The following ACBD6 variants were observed in gnomAD, a reference collection of about 807,000 sequenced individuals.
ACBD6 encodes the protein acyl-CoA binding domain containing 6, also known as acyl-CoA-binding domain-containing protein 6.
In ACBD6, 28 loss-of-function variants were observed where a neutral mutation model predicts 37.2. The ratio of observed to expected loss-of-function variants is 0.75; its 90% CI spans 0.56 to 1.03. The LOEUF (loss-of-function observed/expected upper bound fraction) is 1.03, where lower values mean the gene tolerates loss of function less well. Among genes scored for constraint, ACBD6 ranks in the 50% least tolerant of loss-of-function variants. The probability of loss-of-function intolerance (pLI) is 0.00; values close to 1 mark genes in which losing one functional copy is unlikely to be tolerated. For missense variants in ACBD6, 340 were observed against 337.4 expected (o/e 1.01, Z -0.06); for synonymous variants, 113 against 126.8 (o/e 0.89, Z 0.73).
intron 3 of ACBD6, among the ~76,000 whole-genome samples, chr1:180,453,593 G>A (rs552027123): frequency 1.3e-5 from 2 of 152,298 alleles, no homozygotes; most frequent in South Asian, 4.1e-4. Context: ...AATAGGAAGA[G>A]AGGAAGTCAA....
intron 6 of ACBD6, among the ~76,000 whole-genome samples, chr1:180,339,947 G>A (rs1651913728): frequency 6.6e-6 from 1 of 152,024 alleles, no homozygotes; most frequent in Non-Finnish European, 1.5e-5. Flanking sequence ...AGACAACTAG[G>A]GGAGAAAAAC....
chr1:180,390,695 G>C (rs1179973124), intron 6 of ACBD6, among the ~76,000 whole-genome samples: 1 of 152,116 alleles, frequency 6.6e-6, no homozygotes, highest in Non-Finnish European at 1.5e-5. Flanking sequence ...GTGGTTTGTA[G>C]TTCTACTTGA....
intron 7 of ACBD6, among the ~76,000 whole-genome samples, chr1:180,309,789 C>T (rs1057367735): frequency 2.0e-5 from 3 of 152,130 alleles, no homozygotes; most frequent in Non-Finnish European, 2.9e-5. Flanking sequence ...TTTGACTCTC[C>T]GGTTATTTGA....
At chr1:180,279,166 G>T (rs543747936) in intron 9 of ACBD6, among the ~76,000 whole-genome samples, 13 of 152,268 alleles carry the variant, frequency 8.5e-5, no homozygotes, top group African/African-American at 3.1e-4. Context: ...CTCAATAAAG[G>T]ACTGATTAGA....
At chr1:180,374,258 T>C (rs1653356593) in intron 6 of ACBD6, among the ~76,000 whole-genome samples, 1 of 152,166 alleles carries the variant, frequency 6.6e-6, no homozygotes. Flanking sequence ...CACATGCCCC[T>C]CTCCCCCCTT....
rs775623569 is a variant in ACBD6, at chr1:180,502,261, A to G, written c.6T>C (p.Ala2=). 1.9e-6 allele frequency: 3 copies of G among 1,612,978 alleles called. No homozygotes were observed. The Admixed American group carries it at 5.0e-5, about 27-fold the overall frequency. The change falls in exon 1 of 8, where the codon GCT becomes GCC. Residue 2 remains alanine (A), a synonymous_variant. Coordinates refer to ENST00000367595, the MANE Select transcript of ACBD6 (RefSeq NM_032360.4). ...TGGCCCCCGCGGGCAGGAATGATGA[A>G]GCCATGTCTCCTTGCTCGCTCCGTC... M[A]SSFLPAGAIT...
At chr1:180,296,908 C>T (rs1649940671) in intron 7 of ACBD6, among the ~76,000 whole-genome samples, 5 of 152,134 alleles carry the variant, frequency 3.3e-5, no homozygotes, top group Admixed American at 3.3e-4. Flanking sequence ...GGGCAGATCA[C>T]AAGGTCAGGA....
chr1:180,435,756 C>T, intron 3 of ACBD6: 7 of 850,782 alleles, frequency 8.2e-6, no homozygotes, highest in Non-Finnish European at 1.4e-5. Flanking sequence ...TTCAGAATAG[C>T]AGCCAAGTAT....
intron 6 of ACBD6, among the ~76,000 whole-genome samples, chr1:180,385,523 A>G (rs535392128): frequency 2.0e-4 from 31 of 151,874 alleles, no homozygotes; most frequent in South Asian, 8.3e-4. Flanking sequence ...CTAACACTCA[A>G]TATGACTATA....
intron 6 of ACBD6, among the ~76,000 whole-genome samples, chr1:180,382,150 GAACA>G (rs1653681782): frequency 6.8e-6 from 1 of 145,988 alleles, no homozygotes; most frequent in Non-Finnish European, 1.5e-5. Flanking sequence ...GGAGAAACAA[GAACA>G]AACCAAACCC....
At chr1:180,393,700 T>C (rs938291684) in intron 6 of ACBD6, among the ~76,000 whole-genome samples, 4 of 152,154 alleles carry the variant, frequency 2.6e-5, no homozygotes, top group Admixed American at 2.0e-4. Context: ...CCAGAAGCCC[T>C]CTGACTTCGA....
At chr1:180,419,339 C>A (rs1648250420) in intron 4 of ACBD6, among the ~76,000 whole-genome samples, 1 of 152,184 alleles carries the variant, frequency 6.6e-6, no homozygotes, top group South Asian at 2.1e-4. Flanking sequence ...ATTCTAAATG[C>A]AAATTTTTTT....
intron 6 of ACBD6, among the ~76,000 whole-genome samples, chr1:180,362,949 T>C (rs1225205994): frequency 1.3e-5 from 2 of 152,230 alleles, no homozygotes; most frequent in African/African-American, 4.8e-5. Context: ...ACTAGAGAAG[T>C]TGAGAAACTT....
At chr1:180,294,351 C>A (rs1260283106) in intron 7 of ACBD6, among the ~76,000 whole-genome samples, 2 of 151,596 alleles carry the variant, frequency 1.3e-5, no homozygotes, top group Non-Finnish European at 2.9e-5. Context: ...CCAGCCTGGG[C>A]AACATGGTGA....
chr1:180,471,143 T>C (rs1237816788), intron 3 of ACBD6, among the ~76,000 whole-genome samples: 1 of 152,178 alleles, frequency 6.6e-6, no homozygotes, highest in African/African-American at 2.4e-5. Context: ...CTCACTCTTG[T>C]AATCCCAGCA....
chr1:180,499,242 G>C (rs1268761782), intron 1 of ACBD6, among the ~76,000 whole-genome samples: 2 of 152,084 alleles, frequency 1.3e-5, no homozygotes, highest in African/African-American at 4.8e-5. Context: ...AATGATATTG[G>C]ACTTCCAACT....
At chr1:180,312,091 G>C (rs559988037) in intron 7 of ACBD6, among the ~76,000 whole-genome samples, 3 of 151,992 alleles carry the variant, frequency 2.0e-5, no homozygotes, top group Non-Finnish European at 4.4e-5. Context: ...ATGAATTTTA[G>C]GGCAAAGCTT....
At chr1:180,485,363 AC>A (rs1651221247) in intron 3 of ACBD6, among the ~76,000 whole-genome samples, 1 of 152,202 alleles carries the variant, frequency 6.6e-6, no homozygotes, top group Non-Finnish European at 1.5e-5. Context: ...TGTCAATGAG[AC>A]CTTAATTGGA....
chr1:180,361,264 C>CT (rs1558266275), intron 6 of ACBD6, among the ~76,000 whole-genome samples: 5 of 118,308 alleles, frequency 4.2e-5, no homozygotes, highest in African/African-American at 6.4e-5. Context: ...TTACAAGCAA[C>CT]TTTTTTTTTC....
Sources: allele counts gnomAD v4.1 joint callset (sites outside exome capture counted in the v4.1 genomes callset), GRCh38; gene constraint gnomAD v4.1.1; transcripts MANE v1.5; gene names NCBI Gene and HGNC (gene_info 2026-07-23, HGNC 2026-07-21).